Variants in NFIA observed in about 807,000 individuals in gnomAD.
NFIA encodes nuclear factor I A.
A neutral mutation model predicts 62.8 loss-of-function variants in NFIA; 8 were observed. That is an observed-to-expected ratio of 0.13 (90% confidence interval 0.07 to 0.23). The LOEUF (loss-of-function observed/expected upper bound fraction) is 0.23, where lower values mean the gene tolerates loss of function less well. Among genes scored for constraint, NFIA ranks in the 10% least tolerant of loss-of-function variants. The probability of loss-of-function intolerance (pLI) is 1.00; values close to 1 mark genes in which losing one functional copy is unlikely to be tolerated. For missense variants in NFIA, 410 were observed against 642.1 expected, an observed-to-expected ratio of 0.64 and a Z score of 3.91; for synonymous variants, 235 against 238.1, an observed-to-expected ratio of 0.99 and a Z score of 0.12.
At chr1:61,163,126 A>G (rs1294751404) in intron 2 of NFIA, among the ~76,000 whole-genome samples, 1 of 152,168 alleles carries the variant, frequency 6.6e-6, no homozygotes, top group East Asian at 1.9e-4. Context: ...AAAATCCTAT[A>G]CCGGAATAAA....
intron 2 of NFIA, among the ~76,000 whole-genome samples, chr1:61,143,919 G>A (rs151118192): frequency 2.2e-4 from 34 of 152,276 alleles, no homozygotes; most frequent in African/African-American, 7.0e-4. Flanking sequence ...TCTTTAAGGT[G>A]CTTAAGCCCT....
intron 5 of NFIA, among the ~76,000 whole-genome samples, chr1:61,353,502 A>G (rs1175198298): frequency 6.6e-6 from 1 of 152,222 alleles, no homozygotes; most frequent in African/African-American, 2.4e-5. Flanking sequence ...AAAGAATAGA[A>G]TGGTACAGAA....
At chr1:61,122,970 C>T (rs921071016) in intron 2 of NFIA, among the ~76,000 whole-genome samples, 10 of 152,164 alleles carry the variant, frequency 6.6e-5, no homozygotes, top group African/African-American at 2.4e-4. Flanking sequence ...TCCATGTATC[C>T]AGGAGAAATG....
chr1:61,205,249 A>G (rs1652818360), intron 2 of NFIA, among the ~76,000 whole-genome samples: 1 of 152,200 alleles, frequency 6.6e-6, no homozygotes, highest in South Asian at 2.1e-4. Context: ...TACTCTTAAT[A>G]TTATACTAAG....
At chr1:61,186,001 T>G (rs2100568600) in intron 2 of NFIA, among the ~76,000 whole-genome samples, 1 of 152,332 alleles carries the variant, frequency 6.6e-6, no homozygotes, top group South Asian at 2.1e-4. Flanking sequence ...CCTTTTGCAC[T>G]TTTCCTAATC....
intron 3 of NFIA, among the ~76,000 whole-genome samples, chr1:61,304,727 A>G (rs1659667716): frequency 6.6e-6 from 1 of 152,040 alleles, no homozygotes; most frequent in Non-Finnish European, 1.5e-5. Context: ...AATTTTGTTT[A>G]TAGTACATAC....
At chr1:61,353,973 A>C (rs1040606361) in intron 5 of NFIA, among the ~76,000 whole-genome samples, 1 of 152,186 alleles carries the variant, frequency 6.6e-6, no homozygotes, top group Non-Finnish European at 1.5e-5. Flanking sequence ...CAACATGAAA[A>C]AGCTTTGCAA....
intron 2 of NFIA, among the ~76,000 whole-genome samples, chr1:61,103,678 G>A (rs972516740): frequency 1.3e-5 from 2 of 152,134 alleles, no homozygotes; most frequent in Admixed American, 1.3e-4. Context: ...AACTTGAGAA[G>A]CTTATAATAT....
chr1:61,376,464 T>A (rs1664153557), intron 6 of NFIA, among the ~76,000 whole-genome samples: 1 of 152,198 alleles, frequency 6.6e-6, no homozygotes, highest in South Asian at 2.1e-4. Flanking sequence ...TAAATCTATG[T>A]GATATTTATT....
intron 7 of NFIA, among the ~76,000 whole-genome samples, chr1:61,389,455 G>A (rs4915739): frequency 3.3e-4 from 50 of 152,154 alleles, no homozygotes; most frequent in Non-Finnish European, 5.9e-4. Flanking sequence ...GCTTTTATCA[G>A]TGGGTAAATA....
At chr1:61,225,477 T>C (rs780346472) in intron 2 of NFIA, among the ~76,000 whole-genome samples, 69 of 151,956 alleles carry the variant, frequency 4.5e-4, no homozygotes, top group Middle Eastern at 6.8e-3. Context: ...TCTTGATCTC[T>C]TGACTTTGTG....
chr1:61,095,447 TAAAC>T (rs1002239441), intron 2 of NFIA, among the ~76,000 whole-genome samples: 22 of 152,252 alleles, frequency 1.4e-4, no homozygotes, highest in African/African-American at 5.3e-4. Context: ...CTTATGCTCT[TAAAC>T]AATTCAAATT....
At chr1:61,168,149 G>C (rs929631290) in intron 2 of NFIA, among the ~76,000 whole-genome samples, 2 of 152,042 alleles carry the variant, frequency 1.3e-5, no homozygotes, top group Non-Finnish European at 2.9e-5. Context: ...TTAACTTGGG[G>C]CATTAATAAT....
At chr1:61,272,209 A>G (rs923925760) in intron 2 of NFIA, among the ~76,000 whole-genome samples, 4 of 152,190 alleles carry the variant, frequency 2.6e-5, no homozygotes, top group South Asian at 2.1e-4. Flanking sequence ...GTATTCATCA[A>G]TGTTTACCCT....
chr1:61,110,349 C>T (rs371529717), intron 2 of NFIA, among the ~76,000 whole-genome samples: 15 of 151,428 alleles, frequency 9.9e-5, no homozygotes, highest in African/African-American at 3.6e-4. Flanking sequence ...TTTTATGCAG[C>T]ATATTGTGAA....
At chr1:61,194,826 T>C (rs1651883446) in intron 2 of NFIA, among the ~76,000 whole-genome samples, 1 of 152,228 alleles carries the variant, frequency 6.6e-6, no homozygotes, top group Admixed American at 6.5e-5. Context: ...GACAGGTTGC[T>C]TACAGCTCTT....
intron 2 of NFIA, among the ~76,000 whole-genome samples, chr1:61,258,728 G>GTT (rs397755464): frequency 6.7e-6 from 1 of 149,616 alleles, no homozygotes; most frequent in Non-Finnish European, 1.5e-5. Flanking sequence ...AGGAAATGTG[G>GTT]TTTTTTTTTT....
At chr1:61,211,536 G>A (rs572103053) in intron 2 of NFIA, among the ~76,000 whole-genome samples, 29 of 152,100 alleles carry the variant, frequency 1.9e-4, no homozygotes, top group South Asian at 2.1e-4. Context: ...TATCATTGCC[G>A]TTTTATAGAT....
rs1298371319 is a variant in NFIA, at chr1:61,455,934, C to T, written c.*614C>T. 1 of 152,614 alleles carries T rather than the reference C, an allele frequency of 6.6e-6. No homozygotes were observed. The highest frequency in any genetic ancestry group is 1.5e-5 in the Non-Finnish European group (1 of 68,078). The allele number at this position is 152,614 out of a possible 1,614,324, so 9.5% of individuals were successfully genotyped here. A position where few individuals can be genotyped will look rare whatever the true frequency, so the allele number is the denominator to read the frequency against. On this transcript the variant is annotated 3_prime_UTR_variant, in exon 11 of 11. Transcript: ENST00000403491. ...GTCAGCAGTTAAGTATATAACATGG[C>T]CCGCAAGGACAATGAATCCACTCAC...
Sources: allele counts gnomAD v4.1 joint callset (sites outside exome capture counted in the v4.1 genomes callset), GRCh38; gene constraint gnomAD v4.1.1; transcripts MANE v1.5; gene names NCBI Gene and HGNC (gene_info 2026-07-23, HGNC 2026-07-21).